Variants in STARD5 observed in about 807,000 individuals in gnomAD.
The protein encoded by STARD5 is stAR-related lipid transfer protein 5.
In STARD5, 26 loss-of-function variants were observed where a neutral mutation model predicts 24.6. The observed-to-expected ratio is 1.06, with a 90% CI of 0.77 to 1.47. STARD5 has a LOEUF of 1.47. Ranked by LOEUF, STARD5 falls within the 40% of genes most tolerant of loss-of-function variation. STARD5 has a pLI of 0.00. For synonymous variants in STARD5, 101 were observed against 99.7 expected (o/e 1.01, Z -0.07); for missense variants, 254 against 270.8 (o/e 0.94, Z 0.44).
rs1486188118 is a variant in STARD5 at position 81,319,452 on chromosome 15, A to G, written c.287T>C (p.Leu96Pro). 4.3e-6 allele frequency: 7 copies of G among 1,613,962 alleles called. No individual in the cohort carries two copies. Among genetic ancestry groups the G allele is most frequent in the Non-Finnish European group, 5.9e-6 (7 of 1,179,924 alleles). The change falls in exon 4 of 6, where the codon CTG becomes CCG. Residue 96 changes from leucine to proline, a missense_variant. By Grantham distance (98) the Leu-to-Pro change is moderately conservative. Transcript: ENST00000302824. ...GGGAGTGGAGGTTCTGCTTACACAC[A>G]GGGTCTGCCAAACCAAAGAAGCATG... The part of the protein sequence containing the change: ...FEIIQSITDT[L>P]CVSRTSTPSA...
chr15:81,313,321 A>G lies in STARD5; in HGVS notation c.577T>C (p.Phe193Leu), dbSNP rs149593184. ...TAAAACCGGGTCATGCTGCGGGGGA[A>G]GAAGGAGTCCACCACGTTCTGTGGG... ...YLPQNVVDSF[F>L]PRSMTRFYAN... Residue 193 changes from phenylalanine (F) to leucine (L), a missense_variant, in exon 6 of 6, where the codon TTC becomes CTC. Transcript: ENST00000302824. The G allele has an allele frequency of 3.2e-5, 50 of 1,579,164 alleles. No homozygotes were observed. The Admixed American group carries it at 6.0e-4, about 19-fold the overall frequency.
intron 3 of STARD5, 44 bp from the exon 4 acceptor site, chr15:81,319,500 ATCTTC>A: frequency 1.3e-6 from 2 of 1,550,390 alleles, no homozygotes; most frequent in Non-Finnish European, 1.8e-6. Context: ...CTGGCCAGAC[ATCTTC>A]TCCCAACTCC....
chr15:81,318,616 G>A, intron 4 of STARD5, 114 bp from the exon 5 acceptor site: 4 of 888,518 alleles, frequency 4.5e-6, no homozygotes, highest in Non-Finnish European at 7.0e-6. Context: ...AGTCTGTGAG[G>A]GACTCCTGCC....
chr15:81,315,780 C>T (rs889680570), intron 5 of STARD5, among the ~76,000 whole-genome samples: 13 of 152,206 alleles, frequency 8.5e-5, no homozygotes, highest in Admixed American at 1.3e-4. Flanking sequence ...CTAGCAAAGG[C>T]GGGATGGGCA....
chr15:81,324,059 G>T lies in STARD5; in HGVS notation c.41C>A (p.Ala14Asp). ...CCGCCGGTACTGGAGCATCTTCTCG[G>T]CCACAGCCTCGCTCATCTGGGCTGC... ...ALAAQMSEAV[A>D]EKMLQYRRDT... is the part of the protein sequence containing the mutation. Residue 14 changes from alanine (A) to aspartate (D), a missense_variant, in exon 1 of 6, where the codon GCC becomes GAC. Coordinates refer to ENST00000302824, the MANE Select transcript of STARD5 (RefSeq NM_181900.3). 1 of 1,584,408 alleles carries T rather than the reference G, an allele frequency of 6.3e-7. No homozygotes were observed. The highest frequency in any genetic ancestry group is 8.6e-7 in the Non-Finnish European group (1 of 1,162,400).
In STARD5 at chr15:81,311,326, CAAG is replaced by C. The variant is rs1900842643; in HGVS notation, c.*1927_*1929del. ...ACATTATCTCACTTGTGCCAACACT[CAAG>C]AAGCAGGCTACACTGACACTGGTAT... On this transcript the variant is annotated 3_prime_UTR_variant, in exon 6 of 6. Coordinates refer to ENST00000302824, the MANE Select transcript of STARD5 (RefSeq NM_181900.3). 6.6e-6 allele frequency: 1 copy of C among 152,242 alleles called. No homozygotes were observed. The highest frequency in any genetic ancestry group is 2.4e-5 in the African/African-American group (1 of 41,468). The allele number at this position is 152,242 out of a possible 1,614,324, so 9.4% of individuals were successfully genotyped here.
chr15:81,315,493 T>C (rs1901062124), intron 5 of STARD5, among the ~76,000 whole-genome samples: 1 of 152,120 alleles, frequency 6.6e-6, no homozygotes, highest in African/African-American at 2.4e-5. Flanking sequence ...GATGAAGGCA[T>C]CCACTACGGT....
chr15:81,319,425 G>A lies in STARD5; in HGVS notation c.314C>T (p.Ser105Phe). The A allele has an allele frequency of 6.2e-7, 1 of 1,614,198 alleles. No individual in the cohort carries two copies. The highest frequency in any genetic ancestry group is 8.5e-7 in the Non-Finnish European group (1 of 1,180,042). The part of the protein sequence containing the change: ...TLCVSRTSTP[S>F]AAMKLISPRD... Reference sequence around the variant, plus strand: ...GGGAGAAATGAGCTTCATGGCAGCGGAGGGAGTGGAGGTTCTGCTTACACA... The same window carrying A: ...GGGAGAAATGAGCTTCATGGCAGCGAAGGGAGTGGAGGTTCTGCTTACACA... The change falls in exon 4 of 6, where the codon TCC (serine) becomes TTC (phenylalanine). Residue 105 changes from serine (S) to phenylalanine (F), a missense_variant. Transcript: ENST00000302824.
chr15:81,324,021 AGCCTGCT>A lies in STARD5; in HGVS notation c.72_78del (p.Ala25GlyfsTer35). 1.2e-6 allele frequency: 2 copies of A among 1,603,762 alleles called. No individual in the cohort carries two copies. Among genetic ancestry groups the A allele is most frequent in the Non-Finnish European group, 1.7e-6 (2 of 1,175,090 alleles). The stretch of plus-strand genomic sequence containing the variant: ...CTCACGCCTTCCCGGCAAATCTTCC[AGCCTGCT>A]GTGTCCCGCCGGTACTGGAGCATCT... On this transcript the variant is annotated frameshift_variant, in exon 1 of 6. Coordinates refer to ENST00000302824, the MANE Select transcript of STARD5 (RefSeq NM_181900.3). LOFTEE classifies it high-confidence loss of function.
chr15:81,317,374 G>C (rs975104911), intron 5 of STARD5, among the ~76,000 whole-genome samples: 1 of 152,120 alleles, frequency 6.6e-6, no homozygotes, highest in Non-Finnish European at 1.5e-5. Flanking sequence ...ACCACTGAAA[G>C]GTGAGTCTTA....
chr15:81,313,318 G>A lies in STARD5; in HGVS notation c.580C>T (p.Pro194Ser), dbSNP rs778429930. 5.1e-6 allele frequency: 8 copies of A among 1,578,624 alleles called. No homozygotes were observed. Among genetic ancestry groups the A allele is most frequent in the African/African-American group, 4.1e-5 (3 of 73,322 alleles). Reference protein sequence around the residue: ...LPQNVVDSFFPRSMTRFYANL... With the variant: ...LPQNVVDSFFSRSMTRFYANL... ...GCATAAAACCGGGTCATGCTGCGGG[G>A]GAAGAAGGAGTCCACCACGTTCTGT... The change falls in exon 6 of 6, where the codon CCC becomes TCC. Residue 194 changes from proline (P) to serine (S), a missense_variant. By Grantham distance (74) the Pro-to-Ser change is moderately conservative. Transcript: ENST00000302824.
At chr15:81,315,584 C>T (rs1901064798) in intron 5 of STARD5, among the ~76,000 whole-genome samples, 1 of 152,180 alleles carries the variant, frequency 6.6e-6, no homozygotes, top group Non-Finnish European at 1.5e-5. Flanking sequence ...AGAAATGACA[C>T]TGTAATGCTG....
At chr15:81,317,043 A>T (rs1901097277) in intron 5 of STARD5, among the ~76,000 whole-genome samples, 1 of 151,988 alleles carries the variant, frequency 6.6e-6, no homozygotes, top group Non-Finnish European at 1.5e-5. Flanking sequence ...CTAAAAATAC[A>T]AAAATTAGCC....
intron 1 of STARD5, 123 bp from the exon 2 acceptor site, chr15:81,323,071 C>CA: frequency 9.7e-7 from 1 of 1,027,402 alleles, no homozygotes; most frequent in Non-Finnish European, 1.5e-6. Context: ...CAAGGCTGTG[C>CA]AACCCATACG....
chr15:81,313,550 G>T, intron 5 of STARD5, 147 bp from the exon 6 acceptor site: 1 of 670,016 alleles, frequency 1.5e-6, no homozygotes, highest in Non-Finnish European at 2.2e-6. Flanking sequence ...CCACCCAGGA[G>T]TCCTCTCTGG....
rs192355442 is a variant in STARD5, at chr15:81,319,301, C to T, written c.400+38G>A. The T allele has an allele frequency of 3.3e-4, 520 of 1,555,166 alleles. 4 individuals are homozygous for T. In the South Asian group the frequency reaches 4.4e-3, roughly 13 times the overall value. On this transcript the variant is annotated intron_variant, in intron 4 of 5. Coordinates refer to ENST00000302824, the MANE Select transcript of STARD5 (RefSeq NM_181900.3). ...GGGTGCAGAAGAGAAAGCTCGATAT[C>T]GCAGGAAGGCATGGCAGCTCCTCCG... is the stretch of plus-strand genomic sequence containing the variant.
In STARD5 at chr15:81,323,105, G is replaced by C. The variant is rs552633337; in HGVS notation, c.100-157C>G. ...CGTGGAAAAGCTGGGACTAGTCTTG[G>C]GCAAAGCTGTCCCCACAGCAGAATG... On this transcript the variant is annotated intron_variant, in intron 1 of 5. Transcript: ENST00000302824. 8.1e-5 allele frequency: 57 copies of C among 700,522 alleles called. No individual in the cohort carries two copies. In the East Asian group the frequency reaches 1.5e-3, roughly 19 times the overall value. The allele number at this position is 700,522 out of a possible 1,614,324, so 43.4% of individuals were successfully genotyped here.
Position 81,322,914 on chromosome 15 carries a change from T to C in STARD5, c.134A>G (p.Glu45Gly). The change falls in exon 2 of 6, where the codon GAG (glutamate) becomes GGG (glycine). Residue 45 changes from glutamate (E) to glycine (G), a missense_variant. Glu to Gly is a moderately conservative substitution (Grantham distance 98). Transcript: ENST00000302824. ...ATGCACTTACAGGTTCCCTGGAAAC[T>C]CCACAGATGGCCTCCAGGAAACTGA... ...GVSVSWRPSV[E>G]FPGNLYRGEG... The C allele has an allele frequency of 6.2e-7, 1 of 1,614,132 alleles. No homozygotes were observed. The highest frequency in any genetic ancestry group is 1.6e-4 in the Middle Eastern group (1 of 6,062).
chr15:81,322,305 C>A (rs1596072479), intron 3 of STARD5, 103 bp downstream of exon 3: 17 of 1,474,448 alleles, frequency 1.2e-5, no homozygotes, highest in East Asian at 1.1e-4. Flanking sequence ...GGACACACCC[C>A]CTTAACAAAA....
Sources: gnomAD v4.1 joint callset for allele counts (sites outside exome capture counted in the v4.1 genomes callset) on GRCh38, gnomAD v4.1.1 for gene constraint, MANE v1.5 for transcripts, NCBI Gene and HGNC (gene_info 2026-07-23, HGNC 2026-07-21) for gene names.